Variants in CACNA2D3 observed in about 807,000 individuals in gnomAD.
CACNA2D3 encodes the protein voltage-dependent calcium channel subunit alpha-2/delta-3.
In CACNA2D3, 60 loss-of-function variants were observed where a neutral mutation model predicts 160.6. The ratio of observed to expected loss-of-function variants is 0.37; its 90% CI spans 0.30 to 0.46. CACNA2D3 has a LOEUF of 0.46. CACNA2D3 is among the 20% of genes least tolerant of loss of function. The pLI is 1.00. For missense variants in CACNA2D3, 1,205 were observed against 1,365.0 expected (o/e 0.88, Z 1.85); for synonymous variants, 558 against 492.9 (o/e 1.13, Z -1.75).
At chr3:55,046,403 C>A (rs1367441835) in intron 35 of CACNA2D3, among the ~76,000 whole-genome samples, 1 of 101,016 alleles carries the variant, frequency 9.9e-6, no homozygotes, top group East Asian at 2.4e-4. Context: ...TTTCCAATTT[C>A]ATCCATGTCC....
intron 4 of CACNA2D3, among the ~76,000 whole-genome samples, chr3:54,462,896 T>G (rs1255302361): frequency 1.3e-5 from 2 of 149,948 alleles, no homozygotes; most frequent in Non-Finnish European, 3.0e-5. Flanking sequence ...TTTGGCATGA[T>G]TTTGCAGCGG....
chr3:54,366,897 A>G (rs1250020258), intron 3 of CACNA2D3, among the ~76,000 whole-genome samples: 1 of 152,242 alleles, frequency 6.6e-6, no homozygotes, highest in Non-Finnish European at 1.5e-5. Context: ...AATGGCTACA[A>G]TGCTCATAAA....
At chr3:54,159,254 C>G (rs1344977849) in intron 2 of CACNA2D3, among the ~76,000 whole-genome samples, 1 of 152,084 alleles carries the variant, frequency 6.6e-6, no homozygotes, top group African/African-American at 2.4e-5. Context: ...CCCAAACATC[C>G]CTGATATTAA....
chr3:54,649,022 G>A (rs574591093), intron 11 of CACNA2D3, among the ~76,000 whole-genome samples: 2 of 152,218 alleles, frequency 1.3e-5, no homozygotes, highest in South Asian at 4.2e-4. Context: ...GATTTGTAGG[G>A]GCAAACATCC....
At chr3:54,913,740 G>T (rs1700605645) in intron 27 of CACNA2D3, among the ~76,000 whole-genome samples, 1 of 152,082 alleles carries the variant, frequency 6.6e-6, no homozygotes, top group Non-Finnish European at 1.5e-5. Flanking sequence ...GAACCTGTCA[G>T]GTCCTGAAAA....
intron 25 of CACNA2D3, among the ~76,000 whole-genome samples, chr3:54,891,822 T>G (rs932303056): frequency 1.3e-5 from 2 of 152,248 alleles, no homozygotes; most frequent in African/African-American, 4.8e-5. Context: ...TCTGCAGCTA[T>G]GCTGAGGAAT....
At chr3:54,126,387 A>G (rs1218152401) in intron 2 of CACNA2D3, among the ~76,000 whole-genome samples, 1 of 152,246 alleles carries the variant, frequency 6.6e-6, no homozygotes, top group Non-Finnish European at 1.5e-5. Context: ...TCATCAATGT[A>G]AACACAAACA....
chr3:54,537,093 CAGAGAGAGAGAGAGAG>C (rs35469509), intron 5 of CACNA2D3, among the ~76,000 whole-genome samples: 21 of 148,540 alleles, frequency 1.4e-4, no homozygotes, highest in African/African-American at 5.2e-4. Context: ...GAAACCAAGG[CAGAGAGAGAGAGAGAG>C]AGAGAGAGAG....
At chr3:54,452,946 CTTCT>C (rs1700333575) in intron 4 of CACNA2D3, among the ~76,000 whole-genome samples, 1 of 151,892 alleles carries the variant, frequency 6.6e-6, no homozygotes, top group Admixed American at 6.6e-5. Flanking sequence ...GTTTCTATGT[CTTCT>C]TTTTTTCTTT....
chr3:54,218,941 C>T (rs1701514805), intron 2 of CACNA2D3, among the ~76,000 whole-genome samples: 1 of 152,144 alleles, frequency 6.6e-6, no homozygotes, highest in South Asian at 2.1e-4. Flanking sequence ...CCAGGATAAT[C>T]TCCCTATCTC....
At chr3:54,332,760 G>C (rs890694692) in intron 3 of CACNA2D3, among the ~76,000 whole-genome samples, 1 of 152,170 alleles carries the variant, frequency 6.6e-6, no homozygotes, top group African/African-American at 2.4e-5. Flanking sequence ...GTGTGTGGGT[G>C]GGGAAGCATG....
intron 2 of CACNA2D3, among the ~76,000 whole-genome samples, chr3:54,181,074 G>A (rs1700773723): frequency 6.6e-6 from 1 of 152,140 alleles, no homozygotes; most frequent in African/African-American, 2.4e-5. Flanking sequence ...CTGGTGGATG[G>A]TTCTAGCCTG....
chr3:54,681,511 G>A (rs75147039), intron 11 of CACNA2D3, among the ~76,000 whole-genome samples: 3,574 of 145,090 alleles, frequency 0.025, 147 homozygotes, highest in African/African-American at 0.085. Context: ...GGCCAAGATC[G>A]CATTCACTGC....
At chr3:54,184,045 T>C (rs1160802215) in intron 2 of CACNA2D3, among the ~76,000 whole-genome samples, 4 of 152,098 alleles carry the variant, frequency 2.6e-5, no homozygotes, top group African/African-American at 9.7e-5. Flanking sequence ...TCTTTTTCAA[T>C]GAGACACAGC....
rs184246629 is a variant in CACNA2D3, at chr3:54,869,904, A to G, written c.1627-1635A>G. ...ATTGTTTACAGTGGCTTCTGAGGGA[A>G]CCACTTTCCTTCCCCTTCATCTGGA... is the stretch of plus-strand genomic sequence containing the variant. On this transcript the variant is annotated intron_variant, in intron 17 of 37. Transcript: ENST00000474759. Among the ~76,000 whole-genome samples, 488 of 152,260 alleles carry G rather than the reference A, an allele frequency of 3.2e-3. 3 individuals carry two copies. The highest frequency in any genetic ancestry group is 0.011 in the African/African-American group (461 of 41,540).
At chr3:54,433,365 A>C (rs921373469) in intron 4 of CACNA2D3, among the ~76,000 whole-genome samples, 1 of 152,212 alleles carries the variant, frequency 6.6e-6, no homozygotes, top group South Asian at 2.1e-4. Context: ...TATTGAATAC[A>C]TGAATGTATT....
chr3:54,657,927 ACT>A (rs1364661929), intron 11 of CACNA2D3, among the ~76,000 whole-genome samples: 2 of 151,986 alleles, frequency 1.3e-5, no homozygotes, highest in African/African-American at 2.4e-5. Flanking sequence ...TACTCAGGAG[ACT>A]CAAGCGGGAG....
intron 2 of CACNA2D3, among the ~76,000 whole-genome samples, chr3:54,282,020 C>T (rs1185306293): frequency 6.6e-6 from 1 of 152,196 alleles, no homozygotes; most frequent in Non-Finnish European, 1.5e-5. Context: ...CAAATCAAAG[C>T]ATGACTAACC....
In CACNA2D3 at chr3:54,569,779, C is replaced by A. The variant is rs544975041; in HGVS notation, c.677-16C>A. On this transcript the variant is annotated splice_polypyrimidine_tract_variant and intron_variant, in intron 6 of 37. Coordinates refer to ENST00000474759, the MANE Select transcript of CACNA2D3 (RefSeq NM_018398.3). ...TTGAAGTTTCTGGGTTTCTCATAAC[C>A]CCATTTTTCTTCTAGGGATTAAATG... 1.9e-6 allele frequency: 3 copies of A among 1,575,408 alleles called. No homozygotes were observed. In the Admixed American group the frequency reaches 5.5e-5, roughly 29 times the overall value.
Sources: allele counts gnomAD v4.1 joint callset (sites outside exome capture counted in the v4.1 genomes callset), GRCh38; gene constraint gnomAD v4.1.1; transcripts MANE v1.5; gene names NCBI Gene and HGNC (gene_info 2026-07-23, HGNC 2026-07-21).